The following ACACA variants were observed in gnomAD, a reference collection of about 807,000 sequenced individuals.
ACACA encodes the protein acetyl-CoA carboxylase alpha.
A neutral mutation model predicts 296.1 loss-of-function variants in ACACA; 103 were observed. That is an observed-to-expected ratio of 0.35 (90% CI 0.30 to 0.41). ACACA has a LOEUF of 0.41. ACACA is among the 10% of genes least tolerant of loss of function. ACACA has a pLI of 1.00. For missense variants in ACACA, 1,554 were observed against 2,989.7 expected (o/e 0.52, Z 11.20); for synonymous variants, 953 against 1,038.6 (o/e 0.92, Z 1.58).
chr17:37,329,810 A>C (rs2047788442), intron 3 of ACACA, among the ~76,000 whole-genome samples: 1 of 151,904 alleles, frequency 6.6e-6, no homozygotes, highest in Non-Finnish European at 1.5e-5. Context: ...GCATGGTGGC[A>C]GGCGCCTGTA....
Position 37,111,527 on chromosome 17 carries a change from A to T in ACACA, c.6565+4T>A. On this transcript the variant is annotated splice_donor_region_variant and intron_variant, in intron 52 of 55. Coordinates refer to ENST00000616317, the MANE Select transcript of ACACA (RefSeq NM_198834.3). ...TGATTTGCCAGAAGGACAAGCAGAC[A>T]TACCCAATCGCTCAGCCAAGTGGAT... 2 of 1,609,408 alleles carry T rather than the reference A, an allele frequency of 1.2e-6. No individual in the cohort carries two copies. The highest frequency in any genetic ancestry group is 1.1e-5 in the South Asian group (1 of 90,994).
At chr17:37,365,803 C>G (rs1266890220) in intron 1 of ACACA, 1 of 900,872 alleles carries the variant, frequency 1.1e-6, no homozygotes, top group Admixed American at 6.2e-5. Flanking sequence ...GTAGTAGAGA[C>G]TCCCCACGAT....
At chr17:37,195,897 T>C (rs912088290) in intron 35 of ACACA, among the ~76,000 whole-genome samples, 13 of 152,168 alleles carry the variant, frequency 8.5e-5, no homozygotes, top group East Asian at 5.8e-4. Context: ...AATATCATAA[T>C]TGAATGTACA....
intron 45 of ACACA, among the ~76,000 whole-genome samples, chr17:37,148,627 AT>A (rs1166747693): frequency 6.6e-6 from 1 of 152,214 alleles, no homozygotes; most frequent in Non-Finnish European, 1.5e-5. Flanking sequence ...ATCTGATACA[AT>A]TTAGTATGTG....
chr17:37,156,066 T>C (rs1296278171), intron 42 of ACACA, among the ~76,000 whole-genome samples: 2 of 138,072 alleles, frequency 1.4e-5, no homozygotes, highest in Non-Finnish European at 3.1e-5. Flanking sequence ...TTTTTTTTTT[T>C]TTTTTTTTTT....
intron 1 of ACACA, among the ~76,000 whole-genome samples, chr17:37,385,005 G>A (rs1343578373): frequency 6.6e-6 from 1 of 152,200 alleles, no homozygotes; most frequent in African/African-American, 2.4e-5. Flanking sequence ...GGAGACGAGT[G>A]AGGTTATTTC....
In ACACA at chr17:37,154,899, A is replaced by G. The variant is rs9897866; in HGVS notation, c.5447+784T>C. ...AGTTAAAATAACAATTGCCATTTTT[A>G]TTCCATTTTATTAATTGATAATAAT... On this transcript the variant is annotated intron_variant, in intron 43 of 55. Transcript: ENST00000616317. Among the ~76,000 whole-genome samples the G allele has an allele frequency of 9.5e-3, 1,454 of 152,376 alleles. 21 individuals are homozygous for G. Among genetic ancestry groups the G allele is most frequent in the African/African-American group, 0.033 (1,385 of 41,586 alleles).
At chr17:37,238,334 G>A (rs1279606643) in intron 24 of ACACA, among the ~76,000 whole-genome samples, 13 of 142,320 alleles carry the variant, frequency 9.1e-5, no homozygotes, top group Admixed American at 2.1e-4. Flanking sequence ...ATCATTTATT[G>A]AAAAAAAAAA....
chr17:37,332,796 G>A (rs369120995), intron 2 of ACACA, among the ~76,000 whole-genome samples: 1 of 151,534 alleles, frequency 6.6e-6, no homozygotes, highest in African/African-American at 2.4e-5. Flanking sequence ...TATAATCCCA[G>A]CTACTCGGGA....
intron 24 of ACACA, 26 bp downstream of exon 24, chr17:37,240,450 T>C: frequency 1.2e-6 from 2 of 1,606,926 alleles, no homozygotes; most frequent in Non-Finnish European, 1.7e-6. Context: ...CTTTCTTAGC[T>C]AGAGAGTCCT....
chr17:37,258,000 C>G, intron 13 of ACACA, 134 bp from the exon 14 acceptor site: 1 of 1,257,904 alleles, frequency 7.9e-7, no homozygotes, highest in South Asian at 1.3e-5. Flanking sequence ...AGGCCAAGAC[C>G]CAGTGCCACA....
chr17:37,299,884 G>C lies in ACACA; in HGVS notation c.339-14914C>G, dbSNP rs17138804. 793 of 783,334 alleles carry C rather than the reference G, an allele frequency of 1.0e-3. 5 individuals are homozygous for C. In the African/African-American group the frequency reaches 0.014, roughly 14 times the overall value. 48.5% of individuals were successfully genotyped at this position (783,334 alleles called of 1,614,324 possible). A position where few individuals can be genotyped will look rare whatever the true frequency, so the allele number is the denominator to read the frequency against. ...GGAGGAGCACAGCTCGGTCTAAAGA[G>C]GTAATTTCTGAGATCCAATCAAAAC... is the stretch of plus-strand genomic sequence containing the variant. On this transcript the variant is annotated intron_variant, in intron 3 of 55. Transcript: ENST00000616317.
At chr17:37,404,925 C>T (rs555311917) in intron 1 of ACACA, among the ~76,000 whole-genome samples, 18 of 152,114 alleles carry the variant, frequency 1.2e-4, no homozygotes, top group Non-Finnish European at 2.5e-4. Flanking sequence ...CTCAACCCTT[C>T]GTCATATTCT....
intron 41 of ACACA, among the ~76,000 whole-genome samples, chr17:37,173,367 G>A (rs2076946818): frequency 6.6e-6 from 1 of 152,146 alleles, no homozygotes; most frequent in South Asian, 2.1e-4. Context: ...TGGGTTAAGA[G>A]GTCCAGCCTA....
At position 37,188,500 on chromosome 17, in the gene ACACA, A is replaced by G; in HGVS notation, c.4573-20T>C. The G allele has an allele frequency of 4.3e-6, 7 of 1,612,180 alleles. No homozygotes were observed. Among genetic ancestry groups the G allele is most frequent in the Non-Finnish European group, 5.9e-6 (7 of 1,179,744 alleles). On this transcript the variant is annotated intron_variant, in intron 38 of 55. Coordinates refer to ENST00000616317, the MANE Select transcript of ACACA (RefSeq NM_198834.3). ...CTCAATCTGACACAGACACATCACC[A>G]AGCACAAAACTTAAATATCTTCTAA...
At chr17:37,219,701 A>G (rs2079193239) in intron 29 of ACACA, among the ~76,000 whole-genome samples, 1 of 148,398 alleles carries the variant, frequency 6.7e-6, no homozygotes, top group Non-Finnish European at 1.5e-5. Flanking sequence ...TATTATATAT[A>G]TAAAAAACAC....
At position 37,181,303 on chromosome 17, in the gene ACACA, G is replaced by T; in HGVS notation, c.4830C>A (p.Ile1610=). The T allele has an allele frequency of 6.2e-7, 1 of 1,613,788 alleles. No individual in the cohort carries two copies. Among genetic ancestry groups the T allele is most frequent in the Non-Finnish European group, 8.5e-7 (1 of 1,179,844 alleles). The change falls in exon 40 of 56, where the codon ATC becomes ATA. Residue 1610 remains isoleucine, a synonymous_variant. Coordinates refer to ENST00000616317, the MANE Select transcript of ACACA (RefSeq NM_198834.3). ...DKQGPLHGML[I]NTPYVTKDLL... ...GGTCTTTGGTCACATATGGAGTATT[G>T]ATTAACATTCCATGCAGTGGTCCCT...
intron 42 of ACACA, among the ~76,000 whole-genome samples, chr17:37,157,531 CTTTTTTTTTT>C (rs397687787): frequency 1.1e-5 from 1 of 90,486 alleles, no homozygotes; most frequent in African/African-American, 4.6e-5. Context: ...ATCATTCTAT[CTTTTTTTTTT>C]TTTTTTTTTT....
At chr17:37,336,187 G>A (rs540387246) in intron 2 of ACACA, among the ~76,000 whole-genome samples, 4 of 152,156 alleles carry the variant, frequency 2.6e-5, no homozygotes, top group African/African-American at 9.6e-5. Flanking sequence ...CGGACCCCTG[G>A]ACCGGCCTGC....
Sources: gnomAD v4.1 joint callset for allele counts (sites outside exome capture counted in the v4.1 genomes callset) on GRCh38, gnomAD v4.1.1 for gene constraint, MANE v1.5 for transcripts, NCBI Gene and HGNC (gene_info 2026-07-23, HGNC 2026-07-21) for gene names.